PRR16: variants seen among roughly 807,000 people sequenced by gnomAD.
The protein encoded by PRR16 is protein Largen.
In PRR16, 6 loss-of-function variants were observed where a neutral mutation model predicts 18.2. That is an observed-to-expected ratio of 0.33 (90% CI 0.18 to 0.65). The LOEUF is 0.65. PRR16 is among the 30% of genes least tolerant of loss of function. The pLI is 0.74. For missense variants in PRR16, 412 were observed against 376.6 expected (o/e 1.09, Z -0.78); for synonymous variants, 151 against 147.8 (o/e 1.02, Z -0.16).
intron 1 of PRR16, among the ~76,000 whole-genome samples, chr5:120,482,614 A>G (rs1231932532): frequency 4.6e-5 from 7 of 152,132 alleles, no homozygotes; most frequent in Non-Finnish European, 2.9e-5. Flanking sequence ...TTTTTTTGGT[A>G]GAATGATTTA....
intron 1 of PRR16, among the ~76,000 whole-genome samples, chr5:120,508,063 G>A (rs1393813316): frequency 6.6e-6 from 1 of 152,068 alleles, no homozygotes; most frequent in Non-Finnish European, 1.5e-5. Flanking sequence ...CAGTCAGACT[G>A]GTGGTGCCTA....
At chr5:120,580,538 T>A (rs2112753682) in intron 1 of PRR16, among the ~76,000 whole-genome samples, 1 of 148,258 alleles carries the variant, frequency 6.7e-6, no homozygotes, top group Non-Finnish European at 1.5e-5. Flanking sequence ...CACTGCAAGC[T>A]CCACCTCCCA....
rs1756387549 is a variant in PRR16, at chr5:120,666,637, A to G, written c.160-19317A>G. 5.9e-5 allele frequency among the ~76,000 whole-genome samples: 9 copies of G among 152,126 alleles called. No individual in the cohort carries two copies. The South Asian group carries it at 1.9e-3, about 32-fold the overall frequency. ...TATTATTTTGAGCTATGTCCCATCA[A>G]TACCTAATTTATTGAGAGTTTTTAG... is the stretch of plus-strand genomic sequence containing the variant. On this transcript the variant is annotated intron_variant, in intron 1 of 1. Coordinates refer to ENST00000407149, the MANE Select transcript of PRR16 (RefSeq NM_001300783.2).
chr5:120,692,027 G>A (rs901380955), downstream of PRR16, among the ~76,000 whole-genome samples: 10 of 152,086 alleles, frequency 6.6e-5, no homozygotes, highest in Non-Finnish European at 2.9e-5. Context: ...TGATCTTAGG[G>A]CCAGTAAGTG....
intron 1 of PRR16, among the ~76,000 whole-genome samples, chr5:120,486,867 C>G (rs1368534384): frequency 1.3e-5 from 2 of 152,192 alleles, no homozygotes; most frequent in African/African-American, 4.8e-5. Flanking sequence ...CTACATATGG[C>G]TAGCCAGTTT....
the PRR16 span, among the ~76,000 whole-genome samples, chr5:120,732,748 G>C: frequency 6.6e-6 from 1 of 152,098 alleles, no homozygotes; most frequent in Admixed American, 6.6e-5. Context: ...AGGAGGTACT[G>C]GTAGACCAGT....
intron 1 of PRR16, among the ~76,000 whole-genome samples, chr5:120,466,034 A>T (rs1749068701): frequency 6.6e-6 from 1 of 152,144 alleles, no homozygotes; most frequent in South Asian, 2.1e-4. Context: ...TAAGTTTGCC[A>T]GTGGTAAATG....
intron 1 of PRR16, among the ~76,000 whole-genome samples, chr5:120,489,273 T>A (rs1456500950): frequency 2.0e-5 from 3 of 152,134 alleles, no homozygotes; most frequent in Non-Finnish European, 4.4e-5. Context: ...CCCATTATTA[T>A]TGTGTGGGAG....
chr5:120,694,574 C>G, the PRR16 span, among the ~76,000 whole-genome samples: 1 of 151,538 alleles, frequency 6.6e-6, no homozygotes, highest in African/African-American at 2.4e-5. Flanking sequence ...GTCCCAGCTA[C>G]TCGGGAGGCT....
At chr5:120,501,575 A>G (rs945706906) in intron 1 of PRR16, among the ~76,000 whole-genome samples, 2 of 152,220 alleles carry the variant, frequency 1.3e-5, no homozygotes, top group Admixed American at 6.5e-5. Flanking sequence ...AGATATTTAC[A>G]TTAAGATGGT....
intron 1 of PRR16, among the ~76,000 whole-genome samples, chr5:120,588,903 T>C (rs980537083): frequency 2.0e-5 from 3 of 151,816 alleles, no homozygotes; most frequent in Non-Finnish European, 2.9e-5. Context: ...AAATAGGTTA[T>C]CTCTCTCTGT....
rs185084995 is a variant in PRR16 at position 120,598,618 on chromosome 5, C to G, written c.160-87336C>G. ...TAGTAGTCTCTGATACCTGTCGTTCCCATTTTTATGTCCATGTGTACTTAA... is the reference window on the plus strand; with the variant it reads ...TAGTAGTCTCTGATACCTGTCGTTCGCATTTTTATGTCCATGTGTACTTAA... On this transcript the variant is annotated intron_variant, in intron 1 of 1. Coordinates refer to ENST00000407149, the MANE Select transcript of PRR16 (RefSeq NM_001300783.2). Among the ~76,000 whole-genome samples the G allele has an allele frequency of 5.9e-5, 9 of 151,800 alleles. 1 individual carries two copies. The highest frequency in any genetic ancestry group is 5.3e-4 in the Admixed American group (8 of 15,180).
chr5:120,589,801 T>C (rs1753571349), intron 1 of PRR16, among the ~76,000 whole-genome samples: 1 of 152,114 alleles, frequency 6.6e-6, no homozygotes, highest in African/African-American at 2.4e-5. Flanking sequence ...GTAGGAATTA[T>C]GGGAATACAA....
chr5:120,767,427 C>G, the PRR16 span, among the ~76,000 whole-genome samples: 3 of 151,880 alleles, frequency 2.0e-5, no homozygotes, highest in Non-Finnish European at 4.4e-5. Flanking sequence ...AAGCATGGCT[C>G]TTTACAATCA....
intron 1 of PRR16, among the ~76,000 whole-genome samples, chr5:120,589,132 T>C (rs1753548954): frequency 6.6e-6 from 1 of 152,134 alleles, no homozygotes; most frequent in Non-Finnish European, 1.5e-5. Context: ...GAGTAAGCTT[T>C]TTATCCTAAT....
chr5:120,554,235 C>T lies in PRR16; in HGVS notation c.159+89590C>T, dbSNP rs928251177. Among the ~76,000 whole-genome samples the T allele has an allele frequency of 5.9e-5, 9 of 151,806 alleles. No homozygotes were observed. The East Asian group carries it at 1.7e-3, about 29-fold the overall frequency. ...CCAATATACTCTGTGCTTTCTTTTA[C>T]GGGGGTGTCCATAAATATATAGTAT... On this transcript the variant is annotated intron_variant, in intron 1 of 1. Coordinates refer to ENST00000407149, the MANE Select transcript of PRR16 (RefSeq NM_001300783.2).
At chr5:120,533,419 A>G (rs1751615080) in intron 1 of PRR16, among the ~76,000 whole-genome samples, 1 of 152,202 alleles carries the variant, frequency 6.6e-6, no homozygotes, top group African/African-American at 2.4e-5. Flanking sequence ...ATTATATTGC[A>G]TTTTAGAAAA....
chr5:120,513,665 G>A (rs552809400), intron 1 of PRR16, among the ~76,000 whole-genome samples: 6 of 151,184 alleles, frequency 4.0e-5, no homozygotes, highest in Non-Finnish European at 5.9e-5. Flanking sequence ...CATAGAACTT[G>A]TTACAAATTA....
At chr5:120,743,956 A>G in the PRR16 span, among the ~76,000 whole-genome samples, 4 of 151,978 alleles carry the variant, frequency 2.6e-5, no homozygotes, top group East Asian at 7.8e-4. Flanking sequence ...GCAGTGTAGC[A>G]TTGGTCCTAT....
Sources: gnomAD v4.1 joint callset for allele counts (sites outside exome capture counted in the v4.1 genomes callset) on GRCh38, gnomAD v4.1.1 for gene constraint, MANE v1.5 for transcripts, NCBI Gene and HGNC (gene_info 2026-07-23, HGNC 2026-07-21) for gene names.